The following FREM2 variants were observed in gnomAD, a reference collection of about 807,000 sequenced individuals.
The protein encoded by FREM2 is FRAS1 related extracellular matrix 2, also known as FRAS1-related extracellular matrix protein 2.
FREM2 carries 119 observed loss-of-function variants against 219.9 expected under a neutral mutation model. The ratio of observed to expected loss-of-function variants is 0.54; its 90% CI spans 0.47 to 0.63. The LOEUF (loss-of-function observed/expected upper bound fraction) is 0.63. Among genes scored for constraint, FREM2 ranks in the 30% least tolerant of loss-of-function variants. FREM2 has a pLI of 0.00. For missense variants in FREM2, 4,030 were observed against 3,993.6 expected (o/e 1.01, Z -0.25); for synonymous variants, 1,562 against 1,522.8 (o/e 1.03, Z -0.60).
At chr13:38,733,874 G>C (rs1334958590) in intron 2 of FREM2, among the ~76,000 whole-genome samples, 2 of 152,030 alleles carry the variant, frequency 1.3e-5, no homozygotes, top group Non-Finnish European at 2.9e-5. Context: ...TTATTTTATG[G>C]AAATATAAGC....
rs1244504202 is a variant in FREM2 at position 38,872,919 on chromosome 13, G to A, written c.8161G>A (p.Glu2721Lys). 1.2e-6 allele frequency: 2 copies of A among 1,613,812 alleles called. No individual in the cohort carries two copies. The highest frequency in any genetic ancestry group is 2.2e-5 in the East Asian group (1 of 44,870). The change falls in exon 17 of 24, where the codon GAG becomes AAG. Residue 2721 changes from glutamate to lysine, a missense_variant. Glu to Lys is a moderately conservative substitution (Grantham distance 56). Around this residue, in one of 2 missense-constraint regions of FREM2, gnomAD observed 928 missense variants for 1,042.9 expected, o/e 0.89. Transcript: ENST00000280481. ...GAATGATGGAATTGGCAGCCCCCCA[G>A]AGGCTGAACTTCAAGGTGAGTTCAG... is the stretch of plus-strand genomic sequence containing the variant. Reference protein sequence around the residue: ...LWNDGIGSPPEAELQGSLYPT... With the variant: ...LWNDGIGSPPKAELQGSLYPT...
intron 14 of FREM2, 49 bp downstream of exon 14, chr13:38,859,639 A>G: frequency 1.3e-6 from 2 of 1,508,096 alleles, no homozygotes; most frequent in Non-Finnish European, 1.8e-6. Context: ...ACTGTGCAAT[A>G]TTACAAATGT....
intron 2 of FREM2, among the ~76,000 whole-genome samples, chr13:38,720,152 G>A (rs559698834): frequency 6.6e-6 from 1 of 152,186 alleles, no homozygotes; most frequent in Non-Finnish European, 1.5e-5. Flanking sequence ...CCCACAGCTA[G>A]TCTTAGCTGT....
intron 3 of FREM2, among the ~76,000 whole-genome samples, 192 bp from the exon 4 acceptor site, chr13:38,769,386 A>G (rs1873563349): frequency 6.6e-6 from 1 of 152,208 alleles, no homozygotes; most frequent in Non-Finnish European, 1.5e-5. Context: ...GCAGAACAGA[A>G]TCACAAACTA....
rs535099456 is a variant in FREM2 at position 38,828,735 on chromosome 13, T to TA, written c.6020-17830dup. 2.0e-4 allele frequency among the ~76,000 whole-genome samples: 30 copies of TA among 151,850 alleles called. No individual in the cohort carries two copies. The South Asian group carries it at 5.8e-3, about 30-fold the overall frequency. ...GTCTCTTAATAATAATAAATTAATTTAAAAAAAATTTTAAGAGACTATATT... is the reference window on the plus strand; with the variant it reads ...GTCTCTTAATAATAATAAATTAATTTAAAAAAAAATTTTAAGAGACTATATT... On this transcript the variant is annotated intron_variant, in intron 6 of 23. Coordinates refer to ENST00000280481, the MANE Select transcript of FREM2 (RefSeq NM_207361.6).
chr13:38,737,030 A>G (rs2137774881), intron 2 of FREM2, among the ~76,000 whole-genome samples: 1 of 152,238 alleles, frequency 6.6e-6, no homozygotes, highest in Non-Finnish European at 1.5e-5. Flanking sequence ...GCACATTCTC[A>G]TCATGGGAAC....
intron 16 of FREM2, among the ~76,000 whole-genome samples, chr13:38,869,792 A>AAACTC: frequency 6.6e-6 from 1 of 152,218 alleles, no homozygotes; most frequent in East Asian, 1.9e-4. Flanking sequence ...AATGGTTATT[A>AAACTC]AAGTTAAATT....
Position 38,689,746 on chromosome 13 carries a change from A to C in FREM2, c.2402A>C (p.Gln801Pro), listed in dbSNP as rs1869721575. The C allele has an allele frequency of 6.2e-7, 1 of 1,613,200 alleles. No homozygotes were observed. Among genetic ancestry groups the C allele is most frequent in the African/African-American group, 1.3e-5 (1 of 74,914 alleles). The change falls in exon 1 of 24, where the codon CAG becomes CCG. Residue 801 changes from glutamine to proline, a missense_variant. Physicochemically the swap from Gln to Pro is moderately conservative, Grantham distance 76. Transcript: ENST00000280481. ...CTGGGCGTGGCTACTCGAGTGGCCC[A>C]GTTCCAGTTCCAGGTGGAAGACCGA... ...QELGVATRVA[Q>P]FQFQVEDRAG...
In FREM2 at chr13:38,886,370, A is replaced by G; in HGVS notation, c.*5583A>G. 6.7e-6 allele frequency: 1 copy of G among 149,362 alleles called. No individual in the cohort carries two copies. The highest frequency in any genetic ancestry group is 1.5e-5 in the Non-Finnish European group (1 of 67,262). 9.3% of individuals were successfully genotyped at this position (149,362 alleles called of 1,614,324 possible). On this transcript the variant is annotated 3_prime_UTR_variant, in exon 24 of 24. Transcript: ENST00000280481. ...CACACACATACACACACATATATGT[A>G]CATACATATATATATAGAGAGAGAG...
At chr13:38,849,026 A>G (rs1464290382) in intron 8 of FREM2, among the ~76,000 whole-genome samples, 7 of 152,150 alleles carry the variant, frequency 4.6e-5, no homozygotes, top group African/African-American at 1.7e-4. Context: ...GACACCAGTC[A>G]CATTGGATTA....
intron 16 of FREM2, among the ~76,000 whole-genome samples, chr13:38,866,545 G>A (rs1441206238): frequency 6.6e-6 from 1 of 151,744 alleles, no homozygotes; most frequent in African/African-American, 2.4e-5. Flanking sequence ...GCGCATGCCT[G>A]TAATCCCAGC....
Position 38,846,701 on chromosome 13 carries a change from A to G in FREM2, c.6148A>G (p.Thr2050Ala), listed in dbSNP as rs762047558. The change falls in exon 7 of 24, where the codon ACA becomes GCA. Residue 2050 changes from threonine (T) to alanine (A), a missense_variant. Thr to Ala is a moderately conservative substitution (Grantham distance 58). Coordinates refer to ENST00000280481, the MANE Select transcript of FREM2 (RefSeq NM_207361.6). ...SSSVTVRSRK[T>A]DPPSADAGTD... ...TAGTGTCACAGTGAGGTCTCGGAAA[A>G]CAGATCCTCCCTCTGCAGATGGTGA... 8 of 1,613,580 alleles carry G rather than the reference A, an allele frequency of 5.0e-6. No individual in the cohort carries two copies. The Admixed American group carries it at 1.2e-4, about 24-fold the overall frequency.
Position 38,769,754 on chromosome 13 carries a change from G to T in FREM2, c.5587G>T (p.Ala1863Ser), listed in dbSNP as rs1323638200. 2 of 1,614,002 alleles carry T rather than the reference G, an allele frequency of 1.2e-6. No individual in the cohort carries two copies. Residue 1863 changes from alanine to serine, a missense_variant, in exon 4 of 24, where the codon GCT becomes TCT. Ala to Ser is a moderately conservative substitution (Grantham distance 99). Coordinates refer to ENST00000280481, the MANE Select transcript of FREM2 (RefSeq NM_207361.6). ...GGTGGTACTCTCAGAGCCCGTGCTG[G>T]CTGCCTTGGAATTCCCCACAGTCGC... ...FQVVLSEPVL[A>S]ALEFPTVATV...
At position 38,856,151 on chromosome 13, in the gene FREM2, C is replaced by T. The variant is rs371198474; in HGVS notation, c.6951C>T (p.Thr2317=). The T allele has an allele frequency of 2.5e-6, 4 of 1,611,014 alleles. No individual in the cohort carries two copies. Among genetic ancestry groups the T allele is most frequent in the Admixed American group, 3.3e-5 (2 of 59,946 alleles). The change falls in exon 12 of 24, where the codon ACC becomes ACT. Residue 2317 remains threonine, a synonymous_variant. Transcript: ENST00000280481. ...AAATTGAGTTTAAGGAAGGGGAAAC[C>T]CAGCACGTGGTTGAAATCGAAGTTA... The part of the protein sequence containing the change: ...SEEIEFKEGE[T]QHVVEIEVTF...
chr13:38,788,672 A>G (rs1473743969), intron 6 of FREM2, among the ~76,000 whole-genome samples: 1 of 152,042 alleles, frequency 6.6e-6, no homozygotes, highest in Non-Finnish European at 1.5e-5. Flanking sequence ...GTCATTTTAC[A>G]TATTTATTTT....
intron 2 of FREM2, among the ~76,000 whole-genome samples, chr13:38,709,080 A>G (rs1870656146): frequency 6.6e-6 from 1 of 152,170 alleles, no homozygotes; most frequent in African/African-American, 2.4e-5. Flanking sequence ...CTCACAGGAT[A>G]AAATTCAGAC....
intron 6 of FREM2, among the ~76,000 whole-genome samples, chr13:38,819,385 A>T (rs1387400694): frequency 6.6e-6 from 1 of 152,174 alleles, no homozygotes; most frequent in Non-Finnish European, 1.5e-5. Context: ...AAACTTCTTT[A>T]TGAGAAAAAC....
intron 2 of FREM2, among the ~76,000 whole-genome samples, chr13:38,735,296 T>C (rs770090703): frequency 2.0e-5 from 3 of 152,206 alleles, no homozygotes; most frequent in Non-Finnish European, 2.9e-5. Context: ...AATCCTCATA[T>C]TGCAAATTAT....
chr13:38,869,599 A>G (rs1878090318), intron 16 of FREM2, among the ~76,000 whole-genome samples: 1 of 152,220 alleles, frequency 6.6e-6, no homozygotes, highest in Non-Finnish European at 1.5e-5. Context: ...GAATTTCTCT[A>G]ATGATATTTA....
Sources: gnomAD v4.1 joint callset for allele counts (sites outside exome capture counted in the v4.1 genomes callset) on GRCh38, gnomAD v4.1.1 for gene constraint, gnomAD v4.1.1 regional missense constraint, MANE v1.5 for transcripts, NCBI Gene and HGNC (gene_info 2026-07-23, HGNC 2026-07-21) for gene names.